The following MYMX variants were observed in gnomAD, a reference collection of about 807,000 sequenced individuals.
MYMX encodes protein myomixer.
upstream of MYMX, among the ~76,000 whole-genome samples, chr6:44,215,895 A>AAAT (rs918490390): frequency 1.3e-5 from 2 of 152,114 alleles, no homozygotes; most frequent in Non-Finnish European, 2.9e-5. Flanking sequence ...ACTCCGTCTC[A>AAAT]AATAATAATA....
At chr6:44,208,824 G>A in the MYMX span, among the ~76,000 whole-genome samples, 1 of 152,148 alleles carries the variant, frequency 6.6e-6, no homozygotes. Context: ...TCACCTTTAT[G>A]CTCCCCATGC....
upstream of MYMX, among the ~76,000 whole-genome samples, chr6:44,213,121 C>A (rs1242619879): frequency 6.6e-6 from 1 of 152,156 alleles, no homozygotes; most frequent in Non-Finnish European, 1.5e-5. Context: ...CGCCGTGGCT[C>A]ACGCCTGTAA....
rs1775965936 is a variant in MYMX at position 44,217,829 on chromosome 6, T to C, written c.*103T>C. 5.0e-6 allele frequency: 2 copies of C among 399,866 alleles called. No individual in the cohort carries two copies. The highest frequency in any genetic ancestry group is 8.8e-6 in the Non-Finnish European group (2 of 226,248). 24.8% of individuals were successfully genotyped at this position (399,866 alleles called of 1,614,324 possible). A position where few individuals can be genotyped will look rare whatever the true frequency, so the allele number is the denominator to read the frequency against. On this transcript the variant is annotated 3_prime_UTR_variant, in exon 2 of 2. Transcript: ENST00000573382. ...CGAAGCCTGCCCAGTGGACAGAAGA[T>C]ATAGTGAGGGTTGTGCATGAGAGGG...
chr6:44,197,515 A>T, the MYMX span, among the ~76,000 whole-genome samples: 2 of 152,264 alleles, frequency 1.3e-5, no homozygotes, highest in Non-Finnish European at 2.9e-5. Context: ...CCTGGGTGAC[A>T]GAGTGAGACT....
the MYMX span, among the ~76,000 whole-genome samples, chr6:44,205,841 G>A: frequency 1.3e-5 from 2 of 151,230 alleles, no homozygotes; most frequent in South Asian, 2.1e-4. Flanking sequence ...TTAGCCAGGC[G>A]TACTGGTGCA....
chr6:44,218,132 C>A lies in MYMX; in HGVS notation c.*406C>A, dbSNP rs955976937. ...TTGAATCCAGACTGTCTTCCAGACT[C>A]AGGACCTACCTTAAAATAATATCTG... On this transcript the variant is annotated 3_prime_UTR_variant, in exon 2 of 2. Coordinates refer to ENST00000573382, the MANE Select transcript of MYMX (RefSeq NM_001315494.2). 1.2e-5 allele frequency: 2 copies of A among 165,052 alleles called. No homozygotes were observed. The highest frequency in any genetic ancestry group is 1.7e-4 in the East Asian group (1 of 5,734). The allele number at this position is 165,052 out of a possible 1,614,324, so 10.2% of individuals were successfully genotyped here.
the MYMX span, among the ~76,000 whole-genome samples, chr6:44,200,636 T>C: frequency 6.6e-6 from 1 of 152,152 alleles, no homozygotes; most frequent in Non-Finnish European, 1.5e-5. Context: ...ATTAGATTTT[T>C]TTCCCTGTGG....
chr6:44,201,412 T>C, the MYMX span, among the ~76,000 whole-genome samples: 1 of 152,054 alleles, frequency 6.6e-6, no homozygotes, highest in African/African-American at 2.4e-5. Flanking sequence ...CTGCCCTTGA[T>C]GAGGCCTCCC....
the MYMX span, among the ~76,000 whole-genome samples, chr6:44,195,332 T>A: frequency 6.6e-6 from 1 of 152,138 alleles, no homozygotes; most frequent in Non-Finnish European, 1.5e-5. Flanking sequence ...TTCTTTCTTT[T>A]TTAAAGGAAT....
chr6:44,202,756 C>G, the MYMX span, among the ~76,000 whole-genome samples: 35 of 152,144 alleles, frequency 2.3e-4, no homozygotes, highest in Middle Eastern at 3.4e-3. Flanking sequence ...CAGGAAGAGT[C>G]AGGGGTTAGA....
chr6:44,201,996 A>T, the MYMX span, among the ~76,000 whole-genome samples: 1 of 98,152 alleles, frequency 1.0e-5, no homozygotes, highest in East Asian at 2.0e-4. Flanking sequence ...ACCCAGACAC[A>T]TGTTTTTAAT....
At position 44,217,980 on chromosome 6, in the gene MYMX, A is replaced by C; in HGVS notation, c.*254A>C. On this transcript the variant is annotated 3_prime_UTR_variant, in exon 2 of 2. Transcript: ENST00000573382. ...CAGTTCCTCCCAAAGACCACTCCTA[A>C]TCACCTCTGGCCTCAGGCGGGAGGG... The C allele has an allele frequency of 8.9e-6, 3 of 336,302 alleles. No individual in the cohort carries two copies. The highest frequency in any genetic ancestry group is 1.6e-5 in the Non-Finnish European group (3 of 186,640). The allele number at this position is 336,302 out of a possible 1,614,324, so 20.8% of individuals were successfully genotyped here.
chr6:44,205,083 C>A, the MYMX span, among the ~76,000 whole-genome samples: 15 of 152,200 alleles, frequency 9.9e-5, no homozygotes, highest in Non-Finnish European at 1.9e-4. Flanking sequence ...TCAAATCTGA[C>A]CTGCCTTTGA....
At position 44,217,929 on chromosome 6, in the gene MYMX, C is replaced by T; in HGVS notation, c.*203C>T. The T allele has an allele frequency of 2.6e-6, 1 of 392,110 alleles. No individual in the cohort carries two copies. Among genetic ancestry groups the T allele is most frequent in the East Asian group, 3.6e-5 (1 of 27,688 alleles). 24.3% of individuals were successfully genotyped at this position (392,110 alleles called of 1,614,324 possible). A position where few individuals can be genotyped will look rare whatever the true frequency, so the allele number is the denominator to read the frequency against. ...AGAATGCCTTGCATCTAGCACAAAACTGATTATTGCCCCTCTGTCCTCCAG... is the reference window on the plus strand; with the variant it reads ...AGAATGCCTTGCATCTAGCACAAAATTGATTATTGCCCCTCTGTCCTCCAG... On this transcript the variant is annotated 3_prime_UTR_variant, in exon 2 of 2. Transcript: ENST00000573382.
the MYMX span, among the ~76,000 whole-genome samples, chr6:44,208,802 G>T: frequency 6.6e-6 from 1 of 152,092 alleles, no homozygotes; most frequent in African/African-American, 2.4e-5. Context: ...CCCACTTCAG[G>T]GGACTCCCCA....
the MYMX span, among the ~76,000 whole-genome samples, chr6:44,198,389 T>A: frequency 6.6e-6 from 1 of 151,958 alleles, no homozygotes; most frequent in Non-Finnish European, 1.5e-5. Flanking sequence ...ATGGTCTCGA[T>A]CTCCTGACCT....
the MYMX span, among the ~76,000 whole-genome samples, chr6:44,204,021 G>A: frequency 6.6e-6 from 1 of 151,918 alleles, no homozygotes; most frequent in East Asian, 1.9e-4. Flanking sequence ...CTAATTTTTT[G>A]TATTTTTAAT....
chr6:44,204,050 T>G, the MYMX span, among the ~76,000 whole-genome samples: 1 of 152,130 alleles, frequency 6.6e-6, no homozygotes, highest in Non-Finnish European at 1.5e-5. Context: ...GGTTTCCATG[T>G]TGGCCCAGCT....
the MYMX span, among the ~76,000 whole-genome samples, chr6:44,196,883 G>A: frequency 9.9e-5 from 15 of 152,068 alleles, no homozygotes; most frequent in Middle Eastern, 3.4e-3. Context: ...GCTTGAACCT[G>A]GGAGGCGGAG....
Sources: allele counts gnomAD v4.1 joint callset (sites outside exome capture counted in the v4.1 genomes callset), GRCh38; gene constraint gnomAD v4.1.1; transcripts MANE v1.5; gene names NCBI Gene and HGNC (gene_info 2026-07-23, HGNC 2026-07-21).